UQCRFS1: variants seen among roughly 807,000 people sequenced by gnomAD.
UQCRFS1 encodes the protein cytochrome b-c1 complex subunit Rieske, mitochondrial.
In UQCRFS1, 6 loss-of-function variants were observed where a neutral mutation model predicts 15.6. The observed-to-expected ratio is 0.38, with a 90% CI of 0.21 to 0.76. The LOEUF is 0.76. Ranked by LOEUF, UQCRFS1 falls within the 30% of genes least tolerant of loss-of-function variation. The pLI is 0.44. For missense variants in UQCRFS1, 203 were observed against 366.7 expected (o/e 0.55, Z 3.65); for synonymous variants, 105 against 154.3 (o/e 0.68, Z 2.37).
intron 1 of UQCRFS1, among the ~76,000 whole-genome samples, 161 bp from the exon 2 acceptor site, chr19:29,208,319 G>A (rs1266084040): frequency 2.0e-5 from 3 of 152,180 alleles, no homozygotes; most frequent in African/African-American, 7.2e-5. Flanking sequence ...AATTGGCGGT[G>A]CTAGCATATA....
intron 1 of UQCRFS1, among the ~76,000 whole-genome samples, chr19:29,210,694 A>AT (rs1328436108): frequency 3.9e-5 from 6 of 152,040 alleles, no homozygotes; most frequent in African/African-American, 1.4e-4. Context: ...TGAACTCATC[A>AT]TTTTTTATGG....
Position 29,210,910 on chromosome 19 carries a change from T to G in UQCRFS1, c.214+1995A>C, listed in dbSNP as rs553266054. 3.0e-4 allele frequency among the ~76,000 whole-genome samples: 45 copies of G among 152,124 alleles called. 1 individual carries two copies. The highest frequency in any genetic ancestry group is 1.1e-3 in the African/African-American group (45 of 41,466). On this transcript the variant is annotated intron_variant, in intron 1 of 1. Transcript: ENST00000304863. ...TGGCTGGGTCAAATGGTATTTCTAGTTCTAGATCCCTGAGGAATCTCCACA... is the reference window on the plus strand; with the variant it reads ...TGGCTGGGTCAAATGGTATTTCTAGGTCTAGATCCCTGAGGAATCTCCACA...
intron 1 of UQCRFS1, among the ~76,000 whole-genome samples, chr19:29,212,464 T>C (rs1976666023): frequency 6.6e-6 from 1 of 151,756 alleles, no homozygotes; most frequent in South Asian, 2.1e-4. Flanking sequence ...TTCCCAAATA[T>C]TAGTAAGTTT....
At chr19:29,208,250 T>TA (rs1303719460) in intron 1 of UQCRFS1, 92 bp from the exon 2 acceptor site, 3 of 1,470,042 alleles carry the variant, frequency 2.0e-6, no homozygotes, top group Non-Finnish European at 2.7e-6. Flanking sequence ...GATTCACAGG[T>TA]AAAAAATCAA....
At chr19:29,211,321 T>G (rs1976644097) in intron 1 of UQCRFS1, among the ~76,000 whole-genome samples, 2 of 152,188 alleles carry the variant, frequency 1.3e-5, no homozygotes, top group Non-Finnish European at 2.9e-5. Context: ...AAGCCTCCAA[T>G]TTTTTGAAGA....
At chr19:29,211,268 C>G (rs1046665784) in intron 1 of UQCRFS1, among the ~76,000 whole-genome samples, 4 of 151,996 alleles carry the variant, frequency 2.6e-5, no homozygotes, top group African/African-American at 9.7e-5. Flanking sequence ...AGCCAAAAAA[C>G]ACATGAAAAA....
chr19:29,207,796 A>G lies in UQCRFS1; in HGVS notation c.577T>C (p.Ser193Pro), dbSNP rs760924490. The part of the protein sequence containing the change: ...EIEQEAAVEL[S>P]QLRDPQHDLD... ...TCATGCTGTGGGTCCCTCAACTGTG[A>G]TAATTCAACTGCAGCTTCCTGCTCA... is the stretch of plus-strand genomic sequence containing the variant. Residue 193 changes from serine (S) to proline (P), a missense_variant, in exon 2 of 2, where the codon TCA (serine) becomes CCA (proline). Coordinates refer to ENST00000304863, the MANE Select transcript of UQCRFS1 (RefSeq NM_006003.3). 7.4e-6 allele frequency: 12 copies of G among 1,613,910 alleles called. No homozygotes were observed. The highest frequency in any genetic ancestry group is 2.5e-6 in the Non-Finnish European group (3 of 1,179,876).
At chr19:29,212,375 G>A (rs1568346038) in intron 1 of UQCRFS1, among the ~76,000 whole-genome samples, 1 of 101,698 alleles carries the variant, frequency 9.8e-6, no homozygotes, top group East Asian at 2.6e-4. Context: ...CCTTGTGTAT[G>A]TTTTTTTTGT....
At chr19:29,209,076 T>C (rs1479474503) in intron 1 of UQCRFS1, among the ~76,000 whole-genome samples, 1 of 152,118 alleles carries the variant, frequency 6.6e-6, no homozygotes, top group Non-Finnish European at 1.5e-5. Flanking sequence ...ATGTAGTACT[T>C]TGGGAGCAAG....
At chr19:29,210,890 G>A (rs1976639575) in intron 1 of UQCRFS1, among the ~76,000 whole-genome samples, 2 of 152,064 alleles carry the variant, frequency 1.3e-5, no homozygotes, top group Admixed American at 1.3e-4. Flanking sequence ...TGGGATGGCT[G>A]GGTCAAATGG....
At chr19:29,209,818 A>C (rs376486625) in intron 1 of UQCRFS1, among the ~76,000 whole-genome samples, 1 of 152,248 alleles carries the variant, frequency 6.6e-6, no homozygotes, top group African/African-American at 2.4e-5. Context: ...AACCCTTAAC[A>C]GTATACAAGG....
In UQCRFS1 at chr19:29,208,139, A is replaced by G. The variant is rs374111463; in HGVS notation, c.234T>C (p.Tyr78=). 4.4e-5 allele frequency: 71 copies of G among 1,611,030 alleles called. No individual in the cohort carries two copies. The Admixed American group carries it at 1.2e-3, about 27-fold the overall frequency. Residue 78 remains tyrosine (Y), a synonymous_variant, in exon 2 of 2, where the codon TAT becomes TAC. Coordinates refer to ENST00000304863, the MANE Select transcript of UQCRFS1 (RefSeq NM_006003.3). ...VGLNVPASVC[Y]SHTDIKVPDF... ...CAGGCACCTTGATGTCTGTGTGGGA[A>G]TAACAAACAGAAGCAGGGACTGCAA...
intron 1 of UQCRFS1, 38 bp downstream of exon 1, chr19:29,212,867 G>T: frequency 7.2e-7 from 1 of 1,384,250 alleles, no homozygotes; most frequent in Non-Finnish European, 9.3e-7. Flanking sequence ...GGCACCGAGA[G>T]ACCCCCAGCC....
At position 29,212,911 on chromosome 19, in the gene UQCRFS1, G is replaced by A. The variant is rs748543796; in HGVS notation, c.208C>T (p.Leu70Phe). 24 of 1,421,902 alleles carry A rather than the reference G, an allele frequency of 1.7e-5. No individual in the cohort carries two copies. The highest frequency in any genetic ancestry group is 1.5e-5 in the South Asian group (1 of 68,036). 88.1% of individuals were successfully genotyped at this position (1,421,902 alleles called of 1,614,324 possible). The change falls in exon 1 of 2, where the codon CTC becomes TTC. Residue 70 changes from leucine to phenylalanine, a missense_variant. Physicochemically the swap from Leu to Phe is conservative, Grantham distance 22 (BLOSUM62 0). Around this residue, in one of 3 missense-constraint regions of UQCRFS1, gnomAD observed 92 missense variants for 120.5 expected, o/e 0.76. Transcript: ENST00000304863. ...VRRPLVASVG[L>F]NVPASVCYSH... is the part of the protein sequence containing the mutation. Reference sequence around the variant, plus strand: ...GGCCCTCGCCCCGGCTCACCATTGAGGCCCACGGAGGCGACCAAAGGCCGG... The same window carrying A: ...GGCCCTCGCCCCGGCTCACCATTGAAGCCCACGGAGGCGACCAAAGGCCGG...
rs1011449627 is a variant in UQCRFS1, at chr19:29,206,415, G to A, written c.*1133C>T. On this transcript the variant is annotated 3_prime_UTR_variant, in exon 2 of 2. Coordinates refer to ENST00000304863, the MANE Select transcript of UQCRFS1 (RefSeq NM_006003.3). ...TTTGCCATTTTAAAAAAGTGTACAT[G>A]AGATTATCAGGTAGACTCAGTAAAG... is the stretch of plus-strand genomic sequence containing the variant. 2 of 152,176 alleles carry A rather than the reference G, an allele frequency of 1.3e-5. No individual in the cohort carries two copies. Among genetic ancestry groups the A allele is most frequent in the African/African-American group, 4.8e-5 (2 of 41,432 alleles). 9.4% of individuals were successfully genotyped at this position (152,176 alleles called of 1,614,324 possible). A position where few individuals can be genotyped will look rare whatever the true frequency, so the allele number is the denominator to read the frequency against.
intron 1 of UQCRFS1, 42 bp downstream of exon 1, chr19:29,212,863 G>A (rs1976674452): frequency 7.2e-7 from 1 of 1,381,778 alleles, no homozygotes; most frequent in Non-Finnish European, 9.3e-7. Flanking sequence ...AGCGGGCACC[G>A]AGAGACCCCC....
Position 29,207,613 on chromosome 19 carries a change from C to T in UQCRFS1, c.760G>A (p.Ala254Thr). 1.2e-6 allele frequency: 2 copies of T among 1,613,948 alleles called. No individual in the cohort carries two copies. Among genetic ancestry groups the T allele is most frequent in the Non-Finnish European group, 1.7e-6 (2 of 1,179,860 alleles). The part of the protein sequence containing the change: ...DASGRIRLGP[A>T]PLNLEVPTYE... The stretch of plus-strand genomic sequence containing the variant: ...GTGGGGACTTCAAGGTTGAGAGGAG[C>T]AGGACCCAATCTGATCCTGCCAGAT... The change falls in exon 2 of 2, where the codon GCT becomes ACT. Residue 254 changes from alanine to threonine, a missense_variant. This residue lies in a region of UQCRFS1 where 91 missense variants were observed against 186.9 expected (regional missense o/e 0.49). Transcript: ENST00000304863.
rs1233649626 is a variant in UQCRFS1, at chr19:29,205,910, T to C, written c.*1638A>G. 2.6e-5 allele frequency: 4 copies of C among 152,182 alleles called. 1 individual carries two copies. The highest frequency in any genetic ancestry group is 1.9e-4 in the East Asian group (1 of 5,194). 9.4% of individuals were successfully genotyped at this position (152,182 alleles called of 1,614,324 possible). A position where few individuals can be genotyped will look rare whatever the true frequency, so the allele number is the denominator to read the frequency against. On this transcript the variant is annotated 3_prime_UTR_variant, in exon 2 of 2. Transcript: ENST00000304863. The stretch of plus-strand genomic sequence containing the variant: ...GTAAGCAGCCACCAAATATAGCAAT[T>C]CCGGCACTAAGTGAGTACCTAGAGA...
rs1325403769 is a variant in UQCRFS1 at position 29,207,670 on chromosome 19, A to G, written c.703T>C (p.Tyr235His). 6.2e-7 allele frequency: 1 copy of G among 1,613,878 alleles called. No individual in the cohort carries two copies. The highest frequency in any genetic ancestry group is 2.2e-5 in the East Asian group (1 of 44,884). The change falls in exon 2 of 2, where the codon TAC becomes CAC. Residue 235 changes from tyrosine to histidine, a missense_variant. By Grantham distance (83) the Tyr-to-His change is moderately conservative. Around this residue, in one of 3 missense-constraint regions of UQCRFS1, gnomAD observed 91 missense variants for 186.9 expected, o/e 0.49. Coordinates refer to ENST00000304863, the MANE Select transcript of UQCRFS1 (RefSeq NM_006003.3). ...TAGTGTGACCCATGGCAAGGGCAGT[A>G]ATAACCACCAAAATCTCCTGCATTT... is the stretch of plus-strand genomic sequence containing the variant. ...IANAGDFGGY[Y>H]CPCHGSHYDA...
Sources: allele counts gnomAD v4.1 joint callset (sites outside exome capture counted in the v4.1 genomes callset), GRCh38; gene constraint gnomAD v4.1.1; regional missense constraint gnomAD v4.1.1; transcripts MANE v1.5; gene names NCBI Gene and HGNC (gene_info 2026-07-23, HGNC 2026-07-21).